The following KLHL8 variants were observed in gnomAD, a reference collection of about 807,000 sequenced individuals.
KLHL8 encodes the protein kelch like family member 8.
KLHL8 carries 38 observed loss-of-function variants against 63.5 expected under a neutral mutation model. The ratio of observed to expected loss-of-function variants is 0.60; its 90% confidence interval spans 0.46 to 0.78. The LOEUF is 0.78. Among genes scored for constraint, KLHL8 ranks in the 30% least tolerant of loss-of-function variants. KLHL8 has a pLI of 0.00. For synonymous variants in KLHL8, 224 were observed against 254.3 expected, an observed-to-expected ratio of 0.88 and a Z score of 1.13; for missense variants, 566 against 752.4, an observed-to-expected ratio of 0.75 and a Z score of 2.90.
chr4:87,170,378 G>A, intron 7 of KLHL8, 69 bp downstream of exon 7: 1 of 1,485,942 alleles, frequency 6.7e-7, no homozygotes, highest in Non-Finnish European at 9.1e-7. Flanking sequence ...ATGATATATT[G>A]GACCTTTCCT....
intron 8 of KLHL8, chr4:87,167,693 C>G (rs1021236353): frequency 2.7e-6 from 1 of 375,828 alleles, no homozygotes; most frequent in Non-Finnish European, 5.3e-6. Context: ...TGAGCTCCTG[C>G]AGATGTCTAG....
At chr4:87,186,250 G>A (rs919671570) in intron 2 of KLHL8, among the ~76,000 whole-genome samples, 10 of 151,824 alleles carry the variant, frequency 6.6e-5, no homozygotes, top group East Asian at 1.9e-4. Context: ...GTTTCACCAC[G>A]TTGGCCAGGT....
Position 87,169,993 on chromosome 4 carries a change from T to TAA in KLHL8, c.1537+84_1537+85dup. The TAA allele has an allele frequency of 5.7e-6, 6 of 1,061,740 alleles. No homozygotes were observed. The South Asian group carries it at 9.7e-5, about 17-fold the overall frequency. The allele number at this position is 1,061,740 out of a possible 1,614,324, so 65.8% of individuals were successfully genotyped here. A position where few individuals can be genotyped will look rare whatever the true frequency, so the allele number is the denominator to read the frequency against. The stretch of plus-strand genomic sequence containing the variant: ...TTTCAGGACCGATTCTACTTAAGGC[T>TAA]AAATGCAATGTAATTTTTGTTACTC... On this transcript the variant is annotated intron_variant, in intron 8 of 9. Transcript: ENST00000273963.
At chr4:87,215,044 C>G (rs1732545556) in intron 1 of KLHL8, among the ~76,000 whole-genome samples, 1 of 152,162 alleles carries the variant, frequency 6.6e-6, no homozygotes, top group South Asian at 2.1e-4. Context: ...AGTGATCCAC[C>G]TGCCTCGGCC....
intron 1 of KLHL8, chr4:87,208,175 C>T (rs930032212): frequency 2.8e-6 from 1 of 356,986 alleles, no homozygotes. Flanking sequence ...ACACTCAGTC[C>T]CCCACTACAC....
At chr4:87,229,551 C>T (rs34128785) in intron 1 of KLHL8, among the ~76,000 whole-genome samples, 11,626 of 151,690 alleles carry the variant, frequency 0.077, 624 homozygotes, top group Non-Finnish European at 0.11. Context: ...CCTACCTCAG[C>T]CTCCCAAGTA....
intron 6 of KLHL8, among the ~76,000 whole-genome samples, chr4:87,174,141 G>A (rs1202537209): frequency 6.6e-6 from 1 of 151,996 alleles, no homozygotes; most frequent in African/African-American, 2.4e-5. Context: ...AAGCCACAAT[G>A]TCTCAGGTAT....
At chr4:87,205,110 T>G (rs896071438) in intron 1 of KLHL8, among the ~76,000 whole-genome samples, 1 of 152,092 alleles carries the variant, frequency 6.6e-6, no homozygotes, top group Non-Finnish European at 1.5e-5. Context: ...CCCATAAAAA[T>G]AAAATATAAA....
At chr4:87,215,749 C>T (rs1309609224) in intron 1 of KLHL8, among the ~76,000 whole-genome samples, 1 of 151,832 alleles carries the variant, frequency 6.6e-6, no homozygotes, top group Non-Finnish European at 1.5e-5. Flanking sequence ...TTCAGAAATT[C>T]AAAAAAAGCA....
rs1217931396 is a variant in KLHL8, at chr4:87,226,770, ATATAT to A, written n.58-5385_58-5381del. ...ATAATATATATTATTTATATATAAT[ATATAT>A]TATATATATAATATATATTATATAT... On this transcript the variant is annotated intron_variant and non_coding_transcript_variant, in intron 1 of 1. Coordinates refer to the KLHL8 transcript ENST00000506274. Among the ~76,000 whole-genome samples, 7 of 20,180 alleles carry A rather than the reference ATATAT, an allele frequency of 3.5e-4. 1 individual carries two copies. In the South Asian group the frequency reaches 0.012, roughly 34 times the overall value. 13.2% of individuals were successfully genotyped at this position (20,180 alleles called of 152,430 possible).
chr4:87,193,785 T>C (rs911027880), intron 2 of KLHL8, among the ~76,000 whole-genome samples: 1 of 152,182 alleles, frequency 6.6e-6, no homozygotes, highest in African/African-American at 2.4e-5. Context: ...TACTAAGTGA[T>C]AGGAATTTTT....
chr4:87,221,989 G>A (rs995939300), upstream of KLHL8, among the ~76,000 whole-genome samples: 4 of 152,054 alleles, frequency 2.6e-5, no homozygotes, highest in Non-Finnish European at 4.4e-5. Context: ...GTGCTTTGCC[G>A]CGCTGAACTG....
intron 1 of KLHL8, among the ~76,000 whole-genome samples, chr4:87,208,369 CTTTTTTTT>C (rs1011114394): frequency 7.0e-6 from 1 of 142,290 alleles, no homozygotes; most frequent in South Asian, 2.2e-4. Context: ...TTCTTTTTTT[CTTTTTTTT>C]TTTTTTTGAG....
At chr4:87,177,239 G>A (rs1730859046) in intron 5 of KLHL8, among the ~76,000 whole-genome samples, 2 of 152,102 alleles carry the variant, frequency 1.3e-5, no homozygotes, top group Non-Finnish European at 2.9e-5. Flanking sequence ...TGGTGGCTGG[G>A]CATGGTGGAT....
intron 2 of KLHL8, among the ~76,000 whole-genome samples, chr4:87,188,503 T>C (rs897473108): frequency 6.6e-6 from 1 of 152,204 alleles, no homozygotes; most frequent in Admixed American, 6.5e-5. Flanking sequence ...ATTTGAGTCT[T>C]GATTCAAACA....
chr4:87,175,557 T>A (rs934387949), intron 6 of KLHL8, among the ~76,000 whole-genome samples: 1 of 152,188 alleles, frequency 6.6e-6, no homozygotes, highest in Non-Finnish European at 1.5e-5. Flanking sequence ...AGAGTATATG[T>A]GGTCTACTCC....
intron 1 of KLHL8, among the ~76,000 whole-genome samples, chr4:87,196,054 A>G (rs1731682776): frequency 6.6e-6 from 1 of 152,014 alleles, no homozygotes; most frequent in African/African-American, 2.4e-5. Context: ...GGCTCATGCA[A>G]TCTACCCACC....
At chr4:87,209,134 C>T (rs1017052826) in intron 1 of KLHL8, among the ~76,000 whole-genome samples, 3 of 152,094 alleles carry the variant, frequency 2.0e-5, no homozygotes, top group African/African-American at 7.2e-5. Context: ...ATATTAGTAT[C>T]AAGTAAATAT....
At chr4:87,217,647 CTTT>C (rs1216494811) in intron 1 of KLHL8, among the ~76,000 whole-genome samples, 3 of 128,372 alleles carry the variant, frequency 2.3e-5, no homozygotes, top group Non-Finnish European at 1.7e-5. Context: ...AGCCTGGCCT[CTTT>C]TTTTTTTTTT....
Sources: allele counts gnomAD v4.1 joint callset (sites outside exome capture counted in the v4.1 genomes callset), GRCh38; gene constraint gnomAD v4.1.1; transcripts MANE v1.5; gene names NCBI Gene and HGNC (gene_info 2026-07-23, HGNC 2026-07-21).